The following FER1L6 variants were observed in gnomAD, a reference collection of about 807,000 sequenced individuals.
The protein encoded by FER1L6 is fer-1 like family member 6, also known as fer-1-like protein 6.
In FER1L6, 177 loss-of-function variants were observed where a neutral mutation model predicts 219.2. The observed-to-expected ratio is 0.81, with a 90% confidence interval of 0.71 to 0.91. FER1L6 has a LOEUF of 0.91. Among genes scored for constraint, FER1L6 ranks in the 40% least tolerant of loss-of-function variants. FER1L6 has a pLI of 0.00. For synonymous variants in FER1L6, 768 were observed against 824.3 expected (o/e 0.93, Z 1.17); for missense variants, 2,153 against 2,259.9 (o/e 0.95, Z 0.96).
chr8:123,966,052 A>G lies in FER1L6; in HGVS notation c.243A>G (p.Gln81=). The G allele has an allele frequency of 6.2e-7, 1 of 1,613,766 alleles. No individual in the cohort carries two copies. Among genetic ancestry groups the G allele is most frequent in the Non-Finnish European group, 8.5e-7 (1 of 1,179,816 alleles). Residue 81 remains glutamine (Q), a synonymous_variant, in exon 4 of 41, where the codon CAA becomes CAG. Transcript: ENST00000522917. ...TCCATGATGGGGAGGTCAGATCCCA[A>G]AATTATCAAGTAAGTGATTGGCTCT... ...TKIHDGEVRS[Q]NYQIAITITE... is the part of the protein sequence containing the mutation.
rs34623956 is a variant in FER1L6, at chr8:123,896,910, C to T, written c.-8+44725C>T. Among the ~76,000 whole-genome samples, 277 of 152,272 alleles carry T rather than the reference C, an allele frequency of 1.8e-3. 5 individuals are homozygous for T. Among genetic ancestry groups the T allele is most frequent in the Non-Finnish European group, 2.5e-3 (170 of 68,022 alleles). On this transcript the variant is annotated intron_variant, in intron 1 of 40. Coordinates refer to ENST00000522917, the MANE Select transcript of FER1L6 (RefSeq NM_001039112.2). ...CAGGGGATAGGCTTCTGAAACTTAA[C>T]TCGCCGAAGCCCATCTTGGCTCCTC...
chr8:123,964,765 T>C (rs977202675), intron 3 of FER1L6, among the ~76,000 whole-genome samples: 1 of 152,202 alleles, frequency 6.6e-6, no homozygotes, highest in Non-Finnish European at 1.5e-5. Flanking sequence ...CCACCAATGC[T>C]CAATTCAAAT....
chr8:123,992,937 A>G (rs186176354), intron 12 of FER1L6, among the ~76,000 whole-genome samples: 1 of 152,166 alleles, frequency 6.6e-6, no homozygotes, highest in African/African-American at 2.4e-5. Flanking sequence ...TTAAATTTCC[A>G]TCTTGATTTC....
intron 18 of FER1L6, among the ~76,000 whole-genome samples, chr8:124,033,030 C>G (rs1278282878): frequency 6.6e-6 from 1 of 152,140 alleles, no homozygotes; most frequent in Non-Finnish European, 1.5e-5. Flanking sequence ...CCCTGATAAC[C>G]TATGATTTGG....
At chr8:123,919,506 T>C (rs367563895) in intron 1 of FER1L6, among the ~76,000 whole-genome samples, 6 of 152,202 alleles carry the variant, frequency 3.9e-5, no homozygotes, top group East Asian at 1.9e-4. Context: ...CTGGGGGGCC[T>C]GCCACAGCAC....
At chr8:124,087,661 G>GAGTT (rs2130931854) in intron 33 of FER1L6, among the ~76,000 whole-genome samples, 1 of 152,264 alleles carries the variant, frequency 6.6e-6, no homozygotes, top group South Asian at 2.1e-4. Context: ...GGGCATTGAA[G>GAGTT]AGTTAGGTAT....
At chr8:124,115,394 C>A (rs574720476) in intron 39 of FER1L6, among the ~76,000 whole-genome samples, 6 of 152,226 alleles carry the variant, frequency 3.9e-5, no homozygotes, top group African/African-American at 1.4e-4. Context: ...CTTTCCCCTG[C>A]AGCCTTCCCA....
At chr8:123,962,686 C>T (rs768484160) in intron 2 of FER1L6, among the ~76,000 whole-genome samples, 5 of 152,120 alleles carry the variant, frequency 3.3e-5, no homozygotes, top group Admixed American at 1.3e-4. Flanking sequence ...AGTGAAGTGG[C>T]GCGATCTCAG....
intron 12 of FER1L6, among the ~76,000 whole-genome samples, chr8:123,999,393 C>T (rs528670629): frequency 6.6e-6 from 1 of 152,308 alleles, no homozygotes; most frequent in African/African-American, 2.4e-5. Context: ...CACCTGTAAT[C>T]CCAGCACTTT....
rs759995131 is a variant in FER1L6, at chr8:123,980,665, C to G, written c.1264C>G (p.Leu422Val). 1.2e-6 allele frequency: 2 copies of G among 1,614,122 alleles called. No homozygotes were observed. Among genetic ancestry groups the G allele is most frequent in the South Asian group, 2.2e-5 (2 of 91,078 alleles). The change falls in exon 11 of 41, where the codon CTC becomes GTC. Residue 422 changes from leucine (L) to valine (V), a missense_variant. Physicochemically the swap from Leu to Val is conservative, Grantham distance 32. Transcript: ENST00000522917. ...ESKFSKALKE[L>V]KLPSKDKDSK... ...TAAATTTTCCAAGGCCCTGAAGGAG[C>G]TCAAGTTGCCTTCCAAGGACAAAGA...
In FER1L6 at chr8:123,986,105, G is replaced by A; in HGVS notation, c.1448G>A (p.Gly483Glu). 6.2e-7 allele frequency: 1 copy of A among 1,613,442 alleles called. No homozygotes were observed. The highest frequency in any genetic ancestry group is 8.5e-7 in the Non-Finnish European group (1 of 1,179,454). Residue 483 changes from glycine (G) to glutamate (E), a missense_variant, in exon 12 of 41, where the codon GGA becomes GAA. Physicochemically the swap from Gly to Glu is moderately conservative, Grantham distance 98. Transcript: ENST00000522917. ...PEKNEEFLLF[G>E]AFFEATMIDR... The stretch of plus-strand genomic sequence containing the variant: ...AAAAATGAGGAATTTTTACTCTTTG[G>A]AGCATTTTTTGAAGCTACCATGATT...
chr8:124,082,437 G>A lies in FER1L6; in HGVS notation c.4370G>A (p.Gly1457Asp). Residue 1457 changes from glycine (G) to aspartate (D), a missense_variant, in exon 33 of 41, where the codon GGC (glycine) becomes GAC (aspartate). Gly to Asp is a moderately conservative substitution (Grantham distance 94). Transcript: ENST00000522917. ...TACAGCAAACACCGAGCCATCTGTG[G>A]CTTGCAGAGCCAGTATGAGATGTAA... ...RFYSKHRAIC[G>D]LQSQYEIEGY... 1 of 1,613,878 alleles carries A rather than the reference G, an allele frequency of 6.2e-7. No individual in the cohort carries two copies. The highest frequency in any genetic ancestry group is 8.5e-7 in the Non-Finnish European group (1 of 1,179,880).
At chr8:124,001,737 T>C (rs924218185) in intron 12 of FER1L6, among the ~76,000 whole-genome samples, 1 of 152,210 alleles carries the variant, frequency 6.6e-6, no homozygotes, top group Non-Finnish European at 1.5e-5. Context: ...ATTCACTAAA[T>C]ATGAATCAAG....
intron 12 of FER1L6, among the ~76,000 whole-genome samples, chr8:123,993,505 A>G (rs780791914): frequency 8.6e-5 from 13 of 151,820 alleles, no homozygotes; most frequent in East Asian, 1.9e-4. Context: ...GATGAGCACC[A>G]GGGCTGCCTG....
chr8:123,929,560 A>G (rs558985205), intron 1 of FER1L6, among the ~76,000 whole-genome samples: 32 of 152,328 alleles, frequency 2.1e-4, no homozygotes, highest in African/African-American at 5.8e-4. Context: ...AACTTGGTCA[A>G]TACAGAGGCG....
At chr8:123,930,539 G>T (rs1334483132) in intron 1 of FER1L6, among the ~76,000 whole-genome samples, 1 of 152,202 alleles carries the variant, frequency 6.6e-6, no homozygotes, top group Non-Finnish European at 1.5e-5. Context: ...TTAATGGTGA[G>T]CACTATGGAC....
At chr8:123,930,353 T>TTC (rs1813722961) in intron 1 of FER1L6, among the ~76,000 whole-genome samples, 1 of 152,050 alleles carries the variant, frequency 6.6e-6, no homozygotes, top group Non-Finnish European at 1.5e-5. Flanking sequence ...CCTGACATTT[T>TTC]TTTTTGTCTC....
chr8:123,963,205 G>C, intron 2 of FER1L6, 73 bp from the exon 3 acceptor site: 1 of 1,594,614 alleles, frequency 6.3e-7, no homozygotes, highest in Non-Finnish European at 8.5e-7. Flanking sequence ...CCACAGGGCT[G>C]GCATAAGGTA....
chr8:124,008,781 G>GA (rs543686745), intron 13 of FER1L6, among the ~76,000 whole-genome samples: 1 of 150,728 alleles, frequency 6.6e-6, no homozygotes, highest in East Asian at 2.0e-4. Flanking sequence ...AAATTAGCAA[G>GA]AAAAAAAACT....
Sources: allele counts gnomAD v4.1 joint callset (sites outside exome capture counted in the v4.1 genomes callset), GRCh38; gene constraint gnomAD v4.1.1; transcripts MANE v1.5; gene names NCBI Gene and HGNC (gene_info 2026-07-23, HGNC 2026-07-21).